The following ADAMTSL1 variants were observed in gnomAD, a reference collection of about 807,000 sequenced individuals.
ADAMTSL1 encodes ADAMTS-like protein 1.
Under a neutral mutation model 201.8 loss-of-function variants are expected in ADAMTSL1, and 126 were observed. The observed-to-expected ratio is 0.62, with a 90% confidence interval of 0.54 to 0.72. ADAMTSL1 has a LOEUF of 0.72. Ranked by LOEUF, ADAMTSL1 falls within the 30% of genes least tolerant of loss-of-function variation. The pLI, the probability that ADAMTSL1 is intolerant of heterozygous loss-of-function variation, is 0.00. For missense variants in ADAMTSL1, 2,679 were observed against 2,277.8 expected, an observed-to-expected ratio of 1.18 and a Z score of -3.59; for synonymous variants, 1,121 against 903.4, an observed-to-expected ratio of 1.24 and a Z score of -4.32.
intron 2 of ADAMTSL1, among the ~76,000 whole-genome samples, chr9:18,208,372 C>T (rs1026233185): frequency 6.6e-6 from 1 of 152,150 alleles, no homozygotes; most frequent in Admixed American, 6.5e-5. Flanking sequence ...ATTCCTGAGG[C>T]GAGTCTGGGC....
At chr9:17,981,293 A>G (rs1041661260) in intron 1 of ADAMTSL1, among the ~76,000 whole-genome samples, 5 of 152,236 alleles carry the variant, frequency 3.3e-5, no homozygotes, top group African/African-American at 4.8e-5. Flanking sequence ...CACCCAATCT[A>G]TGGTGTTCTG....
intron 1 of ADAMTSL1, among the ~76,000 whole-genome samples, chr9:18,480,115 A>T (rs1821648695): frequency 6.6e-6 from 1 of 152,218 alleles, no homozygotes; most frequent in African/African-American, 2.4e-5. Context: ...AGAAAACGAT[A>T]CTTACATTAG....
intron 16 of ADAMTSL1, among the ~76,000 whole-genome samples, chr9:18,768,980 AC>A (rs1455501721): frequency 6.6e-6 from 1 of 152,204 alleles, no homozygotes; most frequent in Non-Finnish European, 1.5e-5. Flanking sequence ...TAAAAACAAA[AC>A]AAAAACTGGT....
chr9:18,835,496 A>G (rs1314601900), intron 23 of ADAMTSL1, among the ~76,000 whole-genome samples: 1 of 151,994 alleles, frequency 6.6e-6, no homozygotes, highest in Non-Finnish European at 1.5e-5. Flanking sequence ...CCTTTTCTTA[A>G]TTTTTTAAAA....
chr9:18,758,853 T>A (rs1039362406), intron 16 of ADAMTSL1, among the ~76,000 whole-genome samples: 5 of 152,162 alleles, frequency 3.3e-5, no homozygotes, highest in Admixed American at 3.3e-4. Flanking sequence ...AAGCACTTAG[T>A]CCCCACTAGC....
At chr9:18,459,509 C>T (rs1181195884) in intron 2 of ADAMTSL1, among the ~76,000 whole-genome samples, 1 of 152,082 alleles carries the variant, frequency 6.6e-6, no homozygotes, top group Non-Finnish European at 1.5e-5. Context: ...TTGTTCTAGA[C>T]ACTGGAGTTA....
At chr9:18,402,280 T>C (rs563027776) in intron 2 of ADAMTSL1, among the ~76,000 whole-genome samples, 1 of 152,354 alleles carries the variant, frequency 6.6e-6, no homozygotes, top group East Asian at 1.9e-4. Flanking sequence ...TACTTTGCGC[T>C]TCTCATTTAA....
chr9:18,261,297 G>T (rs1321049180), intron 2 of ADAMTSL1, among the ~76,000 whole-genome samples: 1 of 152,084 alleles, frequency 6.6e-6, no homozygotes, highest in Non-Finnish European at 1.5e-5. Context: ...ACATTTTAAG[G>T]CCCTTAGAAT....
intron 1 of ADAMTSL1, among the ~76,000 whole-genome samples, chr9:17,915,782 T>C (rs1367564342): frequency 6.6e-6 from 1 of 152,212 alleles, no homozygotes; most frequent in African/African-American, 2.4e-5. Flanking sequence ...AATTTGCAAT[T>C]CTCTAATGAT....
chr9:18,496,729 C>T (rs1404089092), intron 1 of ADAMTSL1, among the ~76,000 whole-genome samples: 1 of 152,204 alleles, frequency 6.6e-6, no homozygotes, highest in African/African-American at 2.4e-5. Flanking sequence ...AATTCTTCCT[C>T]TATGATTCCA....
intron 1 of ADAMTSL1, among the ~76,000 whole-genome samples, chr9:18,010,931 G>C (rs1388938332): frequency 6.6e-6 from 1 of 151,824 alleles, no homozygotes; most frequent in Admixed American, 6.6e-5. Flanking sequence ...AATAATTATA[G>C]AATTATTTTT....
intron 23 of ADAMTSL1, among the ~76,000 whole-genome samples, chr9:18,858,364 C>T (rs1826999699): frequency 6.6e-6 from 1 of 152,194 alleles, no homozygotes; most frequent in Non-Finnish European, 1.5e-5. Flanking sequence ...CACTGCACCC[C>T]TGGTTTAGAT....
intron 8 of ADAMTSL1, among the ~76,000 whole-genome samples, chr9:18,661,178 A>G (rs139684106): frequency 5.7e-4 from 87 of 152,308 alleles, no homozygotes; most frequent in African/African-American, 1.7e-3. Context: ...AGAATTAACT[A>G]TTACTCAACA....
intron 2 of ADAMTSL1, among the ~76,000 whole-genome samples, chr9:18,185,272 A>G (rs1276259217): frequency 6.6e-6 from 1 of 152,144 alleles, no homozygotes; most frequent in Non-Finnish European, 1.5e-5. Flanking sequence ...TTTGCTTGAG[A>G]GTCTTGCTCT....
At position 18,795,033 on chromosome 9, in the gene ADAMTSL1, T is replaced by C. The variant is rs1218001655; in HGVS notation, c.3678-364T>C. Among the ~76,000 whole-genome samples the C allele has an allele frequency of 1.3e-5, 2 of 152,198 alleles. 1 individual carries two copies. Among genetic ancestry groups the C allele is most frequent in the Non-Finnish European group, 2.9e-5 (2 of 68,026 alleles). ...TTTTGTAACTTTGCTTTTTCCTTAA[T>C]AAGCCTTCCCCAAATCTATCTGTAC... On this transcript the variant is annotated intron_variant, in intron 19 of 28. Transcript: ENST00000380548.
chr9:18,839,358 T>G (rs975107340), intron 23 of ADAMTSL1, among the ~76,000 whole-genome samples: 2 of 152,152 alleles, frequency 1.3e-5, no homozygotes, highest in Non-Finnish European at 1.5e-5. Context: ...ACAAAGGACA[T>G]GAACTCATCA....
chr9:18,253,502 C>T (rs950581715), intron 2 of ADAMTSL1, among the ~76,000 whole-genome samples: 1 of 152,158 alleles, frequency 6.6e-6, no homozygotes, highest in Non-Finnish European at 1.5e-5. Context: ...AAAACTTCCA[C>T]TTTCCCCCAT....
intron 9 of ADAMTSL1, among the ~76,000 whole-genome samples, chr9:18,669,672 G>A (rs1829693534): frequency 6.6e-6 from 1 of 152,154 alleles, no homozygotes; most frequent in Non-Finnish European, 1.5e-5. Flanking sequence ...TAAATTTTGA[G>A]AGAATTATCT....
intron 23 of ADAMTSL1, among the ~76,000 whole-genome samples, chr9:18,872,656 A>T (rs1827933882): frequency 6.6e-6 from 1 of 152,186 alleles, no homozygotes; most frequent in African/African-American, 2.4e-5. Context: ...GTTGCTGCAA[A>T]TGCCATTATT....
Sources: allele counts gnomAD v4.1 joint callset (sites outside exome capture counted in the v4.1 genomes callset), GRCh38; gene constraint gnomAD v4.1.1; transcripts MANE v1.5; gene names NCBI Gene and HGNC (gene_info 2026-07-23, HGNC 2026-07-21).